The following STXBP6 variants were observed in gnomAD, a reference collection of about 807,000 sequenced individuals.
STXBP6 encodes syntaxin-binding protein 6.
Under a neutral mutation model 26.9 loss-of-function variants are expected in STXBP6, and 21 were observed. The observed-to-expected ratio is 0.78, with a 90% CI of 0.55 to 1.12. STXBP6 has a LOEUF of 1.12. Among genes scored for constraint, STXBP6 ranks in the 50% most tolerant of loss-of-function variants. The pLI, the probability that STXBP6 is intolerant of heterozygous loss-of-function variation, is 0.00. For synonymous variants in STXBP6, 97 were observed against 92.6 expected (o/e 1.05, Z -0.27); for missense variants, 232 against 257.9 (o/e 0.90, Z 0.69).
At chr14:24,845,060 G>T (rs1045220010) in intron 4 of STXBP6, among the ~76,000 whole-genome samples, 1 of 150,062 alleles carries the variant, frequency 6.7e-6, no homozygotes, top group African/African-American at 2.5e-5. Flanking sequence ...CGCCCAGGCT[G>T]GAATGCAGTG....
At chr14:24,898,635 C>T (rs1408114853) in intron 2 of STXBP6, among the ~76,000 whole-genome samples, 3 of 152,068 alleles carry the variant, frequency 2.0e-5, no homozygotes, top group African/African-American at 7.2e-5. Flanking sequence ...CGAGATTGCA[C>T]CACTGCACTC....
intron 1 of STXBP6, among the ~76,000 whole-genome samples, chr14:25,043,470 T>TA (rs777683268): frequency 6.8e-4 from 104 of 152,280 alleles, no homozygotes; most frequent in Non-Finnish European, 1.1e-3. Flanking sequence ...TCATATACCA[T>TA]AAAATTCACT....
chr14:25,049,063 G>A lies in STXBP6; in HGVS notation c.-33+815C>T. 9.6e-6 allele frequency: 7 copies of A among 729,032 alleles called. No homozygotes were observed. Among genetic ancestry groups the A allele is most frequent in the Non-Finnish European group, 1.2e-5 (7 of 595,544 alleles). The allele number at this position is 729,032 out of a possible 1,614,324, so 45.2% of individuals were successfully genotyped here. ...AGAACCAAGGGCAGATACACCCCGG[G>A]GACTTTCTCCTAAAGAACAAGATGT... On this transcript the variant is annotated intron_variant, in intron 1 of 5. Transcript: ENST00000323944. This position sits in a 1 kb window ranked among gnomAD's most constrained non-coding sequence, Gnocchi z 5.6.
intron 2 of STXBP6, among the ~76,000 whole-genome samples, chr14:24,954,992 A>G (rs900094639): frequency 1.8e-4 from 28 of 152,212 alleles, no homozygotes; most frequent in Non-Finnish European, 3.7e-4. Context: ...AGGAGGTAAC[A>G]TGCATCCATG....
At chr14:24,835,609 A>G (rs532530345) in intron 4 of STXBP6, among the ~76,000 whole-genome samples, 8 of 152,308 alleles carry the variant, frequency 5.3e-5, no homozygotes, top group Non-Finnish European at 1.0e-4. Context: ...ATTTTTTAAA[A>G]TGGAATATTA....
At chr14:25,002,781 T>C (rs1024237974) in intron 1 of STXBP6, among the ~76,000 whole-genome samples, 8 of 152,226 alleles carry the variant, frequency 5.3e-5, no homozygotes, top group Middle Eastern at 6.8e-3. Flanking sequence ...CTTTTTTTTT[T>C]TCTAAGATGG....
chr14:24,955,645 G>A (rs1402620233), intron 2 of STXBP6, among the ~76,000 whole-genome samples: 7 of 152,130 alleles, frequency 4.6e-5, no homozygotes, highest in Non-Finnish European at 8.8e-5. Context: ...AGTGGGTACC[G>A]TGGTAAGGAA....
At chr14:25,042,129 C>T (rs192012310) in intron 1 of STXBP6, among the ~76,000 whole-genome samples, 29 of 152,258 alleles carry the variant, frequency 1.9e-4, no homozygotes, top group African/African-American at 5.5e-4. Context: ...CTCCTATTTC[C>T]TTCCACTTCA....
intron 1 of STXBP6, among the ~76,000 whole-genome samples, chr14:24,976,880 T>TTTTTTGG (rs2074060892): frequency 2.2e-5 from 3 of 136,084 alleles, no homozygotes; most frequent in Non-Finnish European, 4.7e-5. Context: ...TTTTTTTTTT[T>TTTTTTGG]GAGGCAGAGT....
At chr14:24,866,877 T>C (rs1324422414) in intron 2 of STXBP6, among the ~76,000 whole-genome samples, 2 of 151,910 alleles carry the variant, frequency 1.3e-5, no homozygotes, top group African/African-American at 4.8e-5. Context: ...AAAATTCCAG[T>C]GGGCTTCTTT....
chr14:24,934,986 C>A (rs1305569187), intron 2 of STXBP6, among the ~76,000 whole-genome samples: 1 of 151,952 alleles, frequency 6.6e-6, no homozygotes, highest in Non-Finnish European at 1.5e-5. Context: ...TCACAGAGTT[C>A]CTTAGGTCTC....
At chr14:24,861,309 A>G (rs2069530737) in intron 2 of STXBP6, among the ~76,000 whole-genome samples, 1 of 152,132 alleles carries the variant, frequency 6.6e-6, no homozygotes, top group Non-Finnish European at 1.5e-5. Context: ...CTGGAGGTAA[A>G]AAAAAGAGGC....
chr14:25,033,598 A>G (rs991199420), intron 1 of STXBP6, among the ~76,000 whole-genome samples: 3 of 151,976 alleles, frequency 2.0e-5, no homozygotes, highest in African/African-American at 4.8e-5. Flanking sequence ...TGCACATTCC[A>G]TCACCTCCAT....
chr14:24,919,361 T>C (rs1238506701), intron 2 of STXBP6, among the ~76,000 whole-genome samples: 1 of 151,990 alleles, frequency 6.6e-6, no homozygotes, highest in African/African-American at 2.4e-5. Flanking sequence ...CTGACAGAAA[T>C]GTGTATACCA....
chr14:25,010,110 A>C (rs888236860), intron 1 of STXBP6, among the ~76,000 whole-genome samples: 5 of 152,184 alleles, frequency 3.3e-5, no homozygotes, highest in Admixed American at 1.3e-4. Flanking sequence ...CCAGCTCAAC[A>C]TGCATTCCTG....
chr14:25,025,329 C>G (rs781321716), intron 1 of STXBP6, among the ~76,000 whole-genome samples: 7 of 151,904 alleles, frequency 4.6e-5, no homozygotes, highest in Non-Finnish European at 1.0e-4. Flanking sequence ...TATCCCTATG[C>G]TGGTTCTGGA....
At chr14:24,894,694 A>G (rs2070920274) in intron 2 of STXBP6, among the ~76,000 whole-genome samples, 1 of 152,176 alleles carries the variant, frequency 6.6e-6, no homozygotes, top group South Asian at 2.1e-4. Context: ...TCACATCTGC[A>G]TTAACTTTTC....
chr14:24,849,771 A>G (rs2069083767), intron 4 of STXBP6, among the ~76,000 whole-genome samples: 1 of 152,160 alleles, frequency 6.6e-6, no homozygotes, highest in Non-Finnish European at 1.5e-5. Context: ...CTGTGTCTAC[A>G]TTCAGGCATC....
intron 1 of STXBP6, among the ~76,000 whole-genome samples, chr14:25,037,819 C>G (rs772289835): frequency 6.6e-6 from 1 of 152,210 alleles, no homozygotes; most frequent in African/African-American, 2.4e-5. Context: ...ATCTGGAGAT[C>G]AAATGGTTTT....
Sources: allele counts gnomAD v4.1 joint callset (sites outside exome capture counted in the v4.1 genomes callset), GRCh38; gene constraint gnomAD v4.1.1; non-coding constraint Gnocchi (gnomAD v3.1); transcripts MANE v1.5; gene names NCBI Gene and HGNC (gene_info 2026-07-23, HGNC 2026-07-21).